The following SPECC1 variants were observed in gnomAD, a reference collection of about 807,000 sequenced individuals.
The protein encoded by SPECC1 is cytospin-B.
SPECC1 carries 62 observed loss-of-function variants against 104.1 expected under a neutral mutation model. That is an observed-to-expected ratio of 0.60 (90% confidence interval 0.49 to 0.74). The LOEUF is 0.74. SPECC1 is among the 30% of genes least tolerant of loss of function. SPECC1 has a pLI of 0.00. For synonymous variants in SPECC1, 513 were observed against 501.6 expected, an observed-to-expected ratio of 1.02 and a Z score of -0.30; for missense variants, 1,306 against 1,310.5, an observed-to-expected ratio of 1.00 and a Z score of 0.05.
intron 1 of SPECC1, among the ~76,000 whole-genome samples, chr17:20,074,502 C>T (rs1332384817): frequency 6.6e-6 from 1 of 152,188 alleles, no homozygotes; most frequent in Non-Finnish European, 1.5e-5. Context: ...TTCCTTGTCC[C>T]ACTGACTCTA....
chr17:20,249,134 G>A (rs1208588918), intron 9 of SPECC1, among the ~76,000 whole-genome samples: 1 of 152,108 alleles, frequency 6.6e-6, no homozygotes, highest in Non-Finnish European at 1.5e-5. Context: ...ACAATACCAG[G>A]CATGGCCAGG....
intron 4 of SPECC1, among the ~76,000 whole-genome samples, chr17:20,207,981 C>A (rs892896231): frequency 6.6e-6 from 1 of 151,730 alleles, no homozygotes; most frequent in African/African-American, 2.4e-5. Context: ...GTTCATTTAA[C>A]TTTTTTTTAT....
rs191802956 is a variant in SPECC1, at chr17:20,022,458, C to T, written c.-22+13034C>T. 4.4e-3 allele frequency among the ~76,000 whole-genome samples: 665 copies of T among 152,226 alleles called. 4 individuals are homozygous for T. The highest frequency in any genetic ancestry group is 7.7e-3 in the Admixed American group (118 of 15,298). ...TAGTTTCTCCTAATATGTTATACGT[C>T]AGCTTTTTGGTTGGTATCTGTGTTG... On this transcript the variant is annotated intron_variant, in intron 1 of 14. Coordinates refer to ENST00000395527, the MANE Select transcript of SPECC1 (RefSeq NM_001243439.2).
chr17:20,212,197 T>A (rs1444748297), intron 4 of SPECC1, among the ~76,000 whole-genome samples: 1 of 152,040 alleles, frequency 6.6e-6, no homozygotes, highest in Non-Finnish European at 1.5e-5. Context: ...TAATAATAAT[T>A]CAACTTTAGG....
At chr17:20,249,407 G>A (rs2039541133) in intron 9 of SPECC1, among the ~76,000 whole-genome samples, 1 of 152,030 alleles carries the variant, frequency 6.6e-6, no homozygotes, top group Admixed American at 6.6e-5. Context: ...AACAGAGCAA[G>A]ACTCCATCTT....
At position 20,094,691 on chromosome 17, in the gene SPECC1, A is replaced by G. The variant is rs113092380; in HGVS notation, c.-21-1940A>G. On this transcript the variant is annotated intron_variant, in intron 1 of 14. Transcript: ENST00000395527. ...ATCCAGTCCTTTATTTTTTTTTTTT[A>G]TTTAGAGAGAGGTTTTCACTCTGTC... Among the ~76,000 whole-genome samples the G allele has an allele frequency of 2.5e-3, 334 of 135,950 alleles. 1 individual carries two copies. Among genetic ancestry groups the G allele is most frequent in the African/African-American group, 8.9e-3 (325 of 36,522 alleles). The allele number at this position is 135,950 out of a possible 152,430, so 89.2% of individuals were successfully genotyped here.
At chr17:20,175,218 G>A (rs898950604) in intron 3 of SPECC1, among the ~76,000 whole-genome samples, 2 of 152,146 alleles carry the variant, frequency 1.3e-5, no homozygotes, top group Non-Finnish European at 2.9e-5. Flanking sequence ...TCATCATCAC[G>A]TTAGAACCCC....
At chr17:20,280,917 C>A (rs957342560) in intron 12 of SPECC1, among the ~76,000 whole-genome samples, 5 of 152,204 alleles carry the variant, frequency 3.3e-5, no homozygotes, top group African/African-American at 1.2e-4. Flanking sequence ...AATCTAGCCA[C>A]TTCATTTGAG....
chr17:20,193,722 G>A (rs918213759), intron 3 of SPECC1, among the ~76,000 whole-genome samples: 3 of 152,188 alleles, frequency 2.0e-5, no homozygotes, highest in Non-Finnish European at 4.4e-5. Flanking sequence ...TTCCACAAGA[G>A]TAAAGCAAAA....
intron 3 of SPECC1, among the ~76,000 whole-genome samples, chr17:20,144,932 T>G (rs1156684067): frequency 6.6e-6 from 1 of 152,312 alleles, no homozygotes; most frequent in South Asian, 2.1e-4. Context: ...GATATCAGTC[T>G]TCTTTCATTT....
In SPECC1 at chr17:20,318,075, C is replaced by T. The variant is rs1180272927; in HGVS notation, c.*4010C>T. On this transcript the variant is annotated 3_prime_UTR_variant, in exon 15 of 15. Transcript: ENST00000395527. ...TTTCTGTCCTGAGGATTTCAAAGAC[C>T]ACAACAGCCACATTTCTTTCCATCT... The T allele has an allele frequency of 6.9e-5, 16 of 231,074 alleles. No homozygotes were observed. The highest frequency in any genetic ancestry group is 1.1e-4 in the African/African-American group (5 of 45,212). 14.3% of individuals were successfully genotyped at this position (231,074 alleles called of 1,614,324 possible).
At chr17:20,147,520 A>G (rs1355553163) in intron 3 of SPECC1, among the ~76,000 whole-genome samples, 1 of 152,196 alleles carries the variant, frequency 6.6e-6, no homozygotes, top group Non-Finnish European at 1.5e-5. Flanking sequence ...TCCATGCTGA[A>G]ATATTTACCA....
At chr17:20,170,918 A>G (rs1382327644) in intron 3 of SPECC1, among the ~76,000 whole-genome samples, 1 of 152,184 alleles carries the variant, frequency 6.6e-6, no homozygotes, top group African/African-American at 2.4e-5. Flanking sequence ...TATCTGCCAG[A>G]GAATTCATCT....
At chr17:20,211,720 T>C (rs1159736236) in intron 4 of SPECC1, among the ~76,000 whole-genome samples, 1 of 152,214 alleles carries the variant, frequency 6.6e-6, no homozygotes, top group Non-Finnish European at 1.5e-5. Context: ...GTCAGATAGT[T>C]TGAGGAAGGG....
rs7222647 is a variant in SPECC1 at position 20,317,737 on chromosome 17, A to C, written c.*3672A>C. On this transcript the variant is annotated 3_prime_UTR_variant, in exon 15 of 15. Transcript: ENST00000395527. Reference sequence around the variant, plus strand: ...CAAGACCCTGTCACACACACACACAAAAAAAAGAAATACAGGTGGTGTTTT... The same window carrying C: ...CAAGACCCTGTCACACACACACACACAAAAAAGAAATACAGGTGGTGTTTT... 0.72 allele frequency: 153,153 copies of C among 213,460 alleles called. 56,506 individuals carry two copies. The highest frequency in any genetic ancestry group is 0.97 in the East Asian group (13,866 of 14,246). The allele number at this position is 213,460 out of a possible 1,614,324, so 13.2% of individuals were successfully genotyped here.
chr17:20,189,587 G>T (rs991769388), intron 3 of SPECC1, among the ~76,000 whole-genome samples: 3 of 152,106 alleles, frequency 2.0e-5, no homozygotes, highest in Admixed American at 1.3e-4. Flanking sequence ...TTTGTCTGCT[G>T]CCCTATCTCC....
chr17:20,203,551 G>A (rs934857288), intron 3 of SPECC1, among the ~76,000 whole-genome samples: 2 of 152,300 alleles, frequency 1.3e-5, no homozygotes, highest in East Asian at 1.9e-4. Context: ...ACACAAATGA[G>A]TACATCATTT....
At chr17:20,180,522 G>T (rs762998822) in intron 3 of SPECC1, among the ~76,000 whole-genome samples, 1 of 152,210 alleles carries the variant, frequency 6.6e-6, no homozygotes, top group Non-Finnish European at 1.5e-5. Flanking sequence ...TGCTAATTAT[G>T]TGTCTTTTCT....
chr17:20,104,318 C>T (rs143887725), intron 2 of SPECC1, among the ~76,000 whole-genome samples: 240 of 152,320 alleles, frequency 1.6e-3, no homozygotes, highest in Non-Finnish European at 2.5e-3. Flanking sequence ...GTATTCTCTG[C>T]TGTTTGTGCT....
Sources: allele counts gnomAD v4.1 joint callset (sites outside exome capture counted in the v4.1 genomes callset), GRCh38; gene constraint gnomAD v4.1.1; transcripts MANE v1.5; gene names NCBI Gene and HGNC (gene_info 2026-07-23, HGNC 2026-07-21).